TBC1D31: variants seen among roughly 807,000 people sequenced by gnomAD.
TBC1D31 encodes TBC1 domain family member 31.
TBC1D31 carries 99 observed loss-of-function variants against 132.9 expected under a neutral mutation model. The observed-to-expected ratio is 0.74, with a 90% CI of 0.63 to 0.88. The LOEUF (loss-of-function observed/expected upper bound fraction) is 0.88, where lower values mean the gene tolerates loss of function less well. TBC1D31 is among the 40% of genes least tolerant of loss of function. The pLI is 0.00. For synonymous variants in TBC1D31, 385 were observed against 419.4 expected, an observed-to-expected ratio of 0.92 and a Z score of 1.00; for missense variants, 1,134 against 1,256.6, an observed-to-expected ratio of 0.90 and a Z score of 1.48.
At position 123,135,471 on chromosome 8, in the gene TBC1D31, C is replaced by T. The variant is rs116553120; in HGVS notation, c.2499+1265C>T. Among the ~76,000 whole-genome samples, 1,265 of 152,204 alleles carry T rather than the reference C, an allele frequency of 8.3e-3. 15 individuals carry two copies. The highest frequency in any genetic ancestry group is 0.03 in the African/African-American group (1,225 of 41,510). On this transcript the variant is annotated intron_variant, in intron 17 of 21. Transcript: ENST00000287380. ...AAAGAAATAGCCAAATGTGGTAGTG[C>T]GCACCTGTGGTGCCAGCTATTCAGG...
intron 4 of TBC1D31, among the ~76,000 whole-genome samples, chr8:123,084,788 T>TTTTTG (rs935226773): frequency 7.0e-4 from 107 of 151,894 alleles, no homozygotes; most frequent in Admixed American, 9.8e-4. Context: ...TTTTTTTTGG[T>TTTTTG]TTTTGTTTTG....
At chr8:123,085,098 G>A (rs1815589716) in intron 4 of TBC1D31, among the ~76,000 whole-genome samples, 1 of 152,050 alleles carries the variant, frequency 6.6e-6, no homozygotes, top group South Asian at 2.1e-4. Flanking sequence ...CTGTGTGTGT[G>A]TTTTAAAGTA....
chr8:123,120,528 C>T (rs969670485), intron 11 of TBC1D31, among the ~76,000 whole-genome samples: 6 of 152,050 alleles, frequency 3.9e-5, no homozygotes, highest in South Asian at 2.1e-4. Flanking sequence ...AAAAATTAGC[C>T]GGGTGTGGTG....
At chr8:123,128,214 G>A (rs1374435952) in intron 13 of TBC1D31, 67 bp from the exon 14 acceptor site, 1 of 809,856 alleles carries the variant, frequency 1.2e-6, no homozygotes, top group Non-Finnish European at 2.0e-6. Context: ...TTAAATTCTT[G>A]TTTTAATTCT....
the TBC1D31 span, among the ~76,000 whole-genome samples, chr8:123,158,509 G>T: frequency 1.3e-5 from 2 of 152,312 alleles, no homozygotes; most frequent in South Asian, 4.1e-4. Context: ...CCGACGGAAG[G>T]ACAGGGAGTG....
chr8:123,082,822 G>A lies in TBC1D31; in HGVS notation c.340+5G>A. On this transcript the variant is annotated splice_donor_5th_base_variant and intron_variant, in intron 3 of 21. Coordinates refer to ENST00000287380, the MANE Select transcript of TBC1D31 (RefSeq NM_145647.4). The stretch of plus-strand genomic sequence containing the variant: ...CTATTAAATGTTTTGATACAGGTAA[G>A]AAGTTCTCCTATTTTTCTTTTGAAG... 6.3e-7 allele frequency: 1 copy of A among 1,576,104 alleles called. No homozygotes were observed. Among genetic ancestry groups the A allele is most frequent in the Non-Finnish European group, 8.7e-7 (1 of 1,148,370 alleles).
At chr8:123,163,432 A>T in the TBC1D31 span, among the ~76,000 whole-genome samples, 2 of 136,116 alleles carry the variant, frequency 1.5e-5, no homozygotes, top group East Asian at 4.4e-4. Context: ...TGGTGTGATC[A>T]CAGCTCACTG....
Position 123,152,080 on chromosome 8 carries a change from T to A in TBC1D31, c.*141T>A. On this transcript the variant is annotated 3_prime_UTR_variant, in exon 22 of 22. Coordinates refer to ENST00000287380, the MANE Select transcript of TBC1D31 (RefSeq NM_145647.4). ...GTGTCTATAAAAATTATGTGTTATT[T>A]AATTCTGATACTTTTTGGCTTGTAA... The A allele has an allele frequency of 1.2e-6, 1 of 805,084 alleles. No individual in the cohort carries two copies. The highest frequency in any genetic ancestry group is 3.3e-5 in the East Asian group (1 of 29,986). 49.9% of individuals were successfully genotyped at this position (805,084 alleles called of 1,614,324 possible).
chr8:123,153,568 C>T (rs752139786), downstream of TBC1D31, among the ~76,000 whole-genome samples: 36 of 152,214 alleles, frequency 2.4e-4, no homozygotes, highest in Non-Finnish European at 4.7e-4. Context: ...TGCCTTAGCA[C>T]GTTTCAGATA....
At chr8:123,080,003 A>G (rs4870844) in intron 2 of TBC1D31, among the ~76,000 whole-genome samples, 43,309 of 152,074 alleles carry the variant, frequency 0.28, 6,401 homozygotes, top group Non-Finnish European at 0.32. Flanking sequence ...TTGGGGAGAA[A>G]AAATAATTTT....
intron 17 of TBC1D31, among the ~76,000 whole-genome samples, chr8:123,134,605 C>T (rs545808109): frequency 4.6e-5 from 7 of 152,192 alleles, no homozygotes; most frequent in African/African-American, 1.4e-4. Flanking sequence ...GGTTTTCTAG[C>T]GTTCATTTTA....
At chr8:123,142,556 A>T in intron 19 of TBC1D31, 100 bp downstream of exon 19, 6 of 991,302 alleles carry the variant, frequency 6.1e-6, no homozygotes, top group Non-Finnish European at 8.4e-6. Context: ...CGAAATTCAA[A>T]CTCGGGGCCT....
intron 13 of TBC1D31, chr8:123,128,021 G>T: frequency 3.8e-6 from 1 of 260,542 alleles, no homozygotes; most frequent in East Asian, 7.5e-5. Flanking sequence ...TTGTTCCATT[G>T]TTGAAGCATT....
intron 10 of TBC1D31, among the ~76,000 whole-genome samples, chr8:123,114,183 A>C (rs888803992): frequency 1.3e-5 from 2 of 152,234 alleles, no homozygotes; most frequent in African/African-American, 4.8e-5. Context: ...CAATGAAAGA[A>C]GTATAATAAA....
At chr8:123,135,871 C>T (rs572882573) in intron 17 of TBC1D31, among the ~76,000 whole-genome samples, 15 of 152,226 alleles carry the variant, frequency 9.9e-5, no homozygotes, top group South Asian at 4.1e-4. Context: ...TAGTGGCAAT[C>T]GAAGGGTATA....
chr8:123,101,128 A>G (rs981609420), intron 7 of TBC1D31, 121 bp downstream of exon 7: 1 of 784,636 alleles, frequency 1.3e-6, no homozygotes, highest in South Asian at 1.8e-5. Context: ...TTTTCTGGAT[A>G]TATTTTGTTG....
intron 12 of TBC1D31, 103 bp downstream of exon 12, chr8:123,126,292 C>T (rs1249374006): frequency 7.2e-7 from 1 of 1,384,092 alleles, no homozygotes; most frequent in Non-Finnish European, 9.8e-7. Context: ...AAAAAGCATA[C>T]TACATGTTGT....
Position 123,075,194 on chromosome 8 carries a change from T to C in TBC1D31, c.78-1917T>C, listed in dbSNP as rs990924054. 4.7e-4 allele frequency among the ~76,000 whole-genome samples: 71 copies of C among 152,196 alleles called. 1 individual carries two copies. On this transcript the variant is annotated intron_variant, in intron 1 of 21. Coordinates refer to ENST00000287380, the MANE Select transcript of TBC1D31 (RefSeq NM_145647.4). ...CTCTGAGTTTAGTTGCCATGAAACA[T>C]TTTGATATTGCTTGTCATTTCTGTA...
intron 5 of TBC1D31, among the ~76,000 whole-genome samples, chr8:123,094,760 C>T (rs545380746): frequency 4.6e-5 from 7 of 152,164 alleles, no homozygotes; most frequent in African/African-American, 9.6e-5. Flanking sequence ...AGGCTGGTCT[C>T]GAACTCCTGA....
Sources: gnomAD v4.1 joint callset for allele counts (sites outside exome capture counted in the v4.1 genomes callset) on GRCh38, gnomAD v4.1.1 for gene constraint, MANE v1.5 for transcripts, NCBI Gene and HGNC (gene_info 2026-07-23, HGNC 2026-07-21) for gene names.